The following TANC1 variants were observed in gnomAD, a reference collection of about 807,000 sequenced individuals.
The protein encoded by TANC1 is protein TANC1.
In TANC1, 77 loss-of-function variants were observed where a neutral mutation model predicts 149.7. That is an observed-to-expected ratio of 0.51 (90% CI 0.43 to 0.62). The LOEUF (loss-of-function observed/expected upper bound fraction) is 0.62. Among genes scored for constraint, TANC1 ranks in the 20% least tolerant of loss-of-function variants. The pLI is 0.00. For synonymous variants in TANC1, 854 were observed against 925.0 expected, an observed-to-expected ratio of 0.92 and a Z score of 1.39; for missense variants, 1,985 against 2,321.8, an observed-to-expected ratio of 0.85 and a Z score of 2.98.
chr2:159,107,018 TTTTG>T (rs138006157), intron 4 of TANC1, among the ~76,000 whole-genome samples: 27,273 of 151,926 alleles, frequency 0.18, 2,507 homozygotes, highest in Middle Eastern at 0.25. Context: ...CTTTTTTGTT[TTTTG>T]TTTGTTTGTT....
At chr2:159,078,638 T>C (rs572929078) in intron 3 of TANC1, among the ~76,000 whole-genome samples, 1 of 152,214 alleles carries the variant, frequency 6.6e-6, no homozygotes, top group Non-Finnish European at 1.5e-5. Context: ...TTCTGAAGAT[T>C]AGAGATTCTG....
intron 2 of TANC1, among the ~76,000 whole-genome samples, chr2:159,048,020 C>T (rs550756511): frequency 2.4e-4 from 36 of 152,168 alleles, no homozygotes; most frequent in Admixed American, 2.0e-3. Context: ...CACAGCTATT[C>T]TGAGGGATGT....
intron 2 of TANC1, among the ~76,000 whole-genome samples, chr2:159,044,710 G>A (rs1294699257): frequency 2.6e-5 from 4 of 152,126 alleles, no homozygotes; most frequent in Non-Finnish European, 5.9e-5. Context: ...ATGGCTGACT[G>A]GGGGCATTGG....
chr2:159,136,058 G>GCA (rs1291557443), intron 4 of TANC1, 136 bp from the exon 5 acceptor site: 2 of 590,866 alleles, frequency 3.4e-6, no homozygotes, highest in South Asian at 3.8e-5. Context: ...GTGCGCGCGC[G>GCA]CGCGTTTAAG....
chr2:159,130,003 ACAGCTGGAAAAGCGGCGG>A (rs2049911190), intron 4 of TANC1, among the ~76,000 whole-genome samples: 1 of 152,112 alleles, frequency 6.6e-6, no homozygotes, highest in Non-Finnish European at 1.5e-5. Flanking sequence ...TGTGCACGTT[ACAGCTGGAAAAGCGGCGG>A]CAGCAGGATA....
At chr2:159,225,364 G>A in intron 23 of TANC1, 1 of 410,614 alleles carries the variant, frequency 2.4e-6, no homozygotes, top group Non-Finnish European at 4.5e-6. Context: ...GGCCGCTGCA[G>A]GAACTGAGGA....
chr2:159,224,259 G>T lies in TANC1; in HGVS notation c.3706G>T (p.Val1236Leu), dbSNP rs746901684. The change falls in exon 23 of 27, where the codon GTG (valine) becomes TTG (leucine). Residue 1236 changes from valine to leucine, a missense_variant. By Grantham distance (32) the Val-to-Leu change is conservative. Around this residue, in one of 3 missense-constraint regions of TANC1, gnomAD observed 920 missense variants for 994.7 expected, o/e 0.92. Transcript: ENST00000263635. ...TVLYLVEKGA[V>L]IEHVDHSGMR... ...GCTGTACCTGGTGGAGAAGGGAGCC[G>T]TGATCGAGCATGTGGACCACAGCGG... 1 of 1,614,168 alleles carries T rather than the reference G, an allele frequency of 6.2e-7. No individual in the cohort carries two copies.
rs569752610 is a variant in TANC1, at chr2:159,183,629, G to A, written c.2511-2162G>A. 1.4e-4 allele frequency among the ~76,000 whole-genome samples: 21 copies of A among 152,198 alleles called. No homozygotes were observed. In the East Asian group the frequency reaches 4.1e-3, roughly 29 times the overall value. ...GCCTGTTGGGTTGAGAGGAGAGAGA[G>A]GAGGGAGCCAGCGTCTTGGGATGGG... On this transcript the variant is annotated intron_variant, in intron 14 of 26. Transcript: ENST00000263635.
intron 2 of TANC1, among the ~76,000 whole-genome samples, chr2:159,051,326 G>A (rs1186942558): frequency 6.6e-6 from 1 of 152,212 alleles, no homozygotes; most frequent in African/African-American, 2.4e-5. Flanking sequence ...AAAGAAAGCT[G>A]TGTGTATGTA....
chr2:159,004,081 C>G, intron 2 of TANC1: 1 of 1,612,110 alleles, frequency 6.2e-7, no homozygotes, highest in Non-Finnish European at 8.5e-7. Flanking sequence ...GCTTCCCTTT[C>G]TGCTAATACC....
chr2:159,112,554 C>CAT (rs2047841472), intron 4 of TANC1, among the ~76,000 whole-genome samples: 3 of 103,578 alleles, frequency 2.9e-5, no homozygotes, highest in Non-Finnish European at 6.3e-5. Flanking sequence ...CTGCACCCAG[C>CAT]CTTTTTTTTT....
chr2:159,033,398 A>G (rs528776933), intron 2 of TANC1, among the ~76,000 whole-genome samples: 1 of 152,270 alleles, frequency 6.6e-6, no homozygotes, highest in East Asian at 1.9e-4. Flanking sequence ...CGGTTCACAG[A>G]CTGTTGAGTT....
intron 1 of TANC1, among the ~76,000 whole-genome samples, chr2:158,989,252 T>G (rs914819048): frequency 5.9e-5 from 9 of 152,132 alleles, no homozygotes; most frequent in African/African-American, 2.2e-4. Context: ...CTCATGCCTA[T>G]AATTTCAGTA....
At chr2:159,084,066 A>G (rs572660128) in intron 3 of TANC1, among the ~76,000 whole-genome samples, 6 of 152,338 alleles carry the variant, frequency 3.9e-5, no homozygotes, top group African/African-American at 7.2e-5. Context: ...CCTGGCCAAC[A>G]TGGCGAAACC....
intron 2 of TANC1, chr2:159,004,070 A>G (rs1245860043): frequency 3.1e-6 from 5 of 1,612,148 alleles, no homozygotes; most frequent in Admixed American, 3.3e-5. Flanking sequence ...CCAAAGTCCA[A>G]GCTTCCCTTT....
Position 159,106,606 on chromosome 2 carries a change from C to T in TANC1, c.259+8772C>T, listed in dbSNP as rs905434959. 1.3e-4 allele frequency among the ~76,000 whole-genome samples: 20 copies of T among 152,250 alleles called. 1 individual carries two copies. The highest frequency in any genetic ancestry group is 1.0e-3 in the South Asian group (5 of 4,818). On this transcript the variant is annotated intron_variant, in intron 4 of 26. Transcript: ENST00000263635. ...GGGTATTTTGTTGTTTCCACATTGG[C>T]TATTTATTATATATAAAGCTGCAAT... is the stretch of plus-strand genomic sequence containing the variant.
chr2:159,097,950 A>G (rs2046301978), intron 4 of TANC1, 116 bp downstream of exon 4: 4 of 857,632 alleles, frequency 4.7e-6, no homozygotes, highest in Non-Finnish European at 7.2e-6. Context: ...TTGTCGCAGT[A>G]TCTTCTAGAA....
At chr2:159,023,236 T>A (rs2149437312) in intron 2 of TANC1, among the ~76,000 whole-genome samples, 1 of 152,302 alleles carries the variant, frequency 6.6e-6, no homozygotes, top group East Asian at 1.9e-4. Flanking sequence ...ACATTCTAGG[T>A]AGAATTCTCT....
intron 19 of TANC1, among the ~76,000 whole-genome samples, chr2:159,206,136 G>C (rs900285124): frequency 6.6e-6 from 1 of 152,196 alleles, no homozygotes; most frequent in Non-Finnish European, 1.5e-5. Flanking sequence ...GTACCCTCAA[G>C]GGTGCGTGGG....
Sources: allele counts gnomAD v4.1 joint callset (sites outside exome capture counted in the v4.1 genomes callset), GRCh38; gene constraint gnomAD v4.1.1; regional missense constraint gnomAD v4.1.1; transcripts MANE v1.5; gene names NCBI Gene and HGNC (gene_info 2026-07-23, HGNC 2026-07-21).